SLMAP: variants seen among roughly 807,000 people sequenced by gnomAD.
SLMAP encodes the protein sarcolemmal membrane-associated protein.
In SLMAP, 44 loss-of-function variants were observed where a neutral mutation model predicts 128.8. The ratio of observed to expected loss-of-function variants is 0.34; its 90% CI spans 0.27 to 0.44. SLMAP has a LOEUF of 0.44. Ranked by LOEUF, SLMAP falls within the 20% of genes least tolerant of loss-of-function variation. SLMAP has a pLI of 1.00. For synonymous variants in SLMAP, 327 were observed against 348.8 expected, an observed-to-expected ratio of 0.94 and a Z score of 0.70; for missense variants, 787 against 985.3, an observed-to-expected ratio of 0.80 and a Z score of 2.69.
At chr3:57,872,504 A>G (rs1262609643) in intron 14 of SLMAP, among the ~76,000 whole-genome samples, 1 of 152,042 alleles carries the variant, frequency 6.6e-6, no homozygotes, top group Non-Finnish European at 1.5e-5. Context: ...CTATAATCCC[A>G]GCTTCTTGGG....
intron 2 of SLMAP, among the ~76,000 whole-genome samples, chr3:57,824,376 G>C (rs1436206668): frequency 2.0e-5 from 3 of 152,122 alleles, no homozygotes; most frequent in African/African-American, 7.2e-5. Context: ...TGGCCGAAAA[G>C]TATTTTATGG....
chr3:57,868,890 T>A (rs1279779084), intron 13 of SLMAP, among the ~76,000 whole-genome samples: 1 of 137,218 alleles, frequency 7.3e-6, no homozygotes, highest in African/African-American at 2.7e-5. Flanking sequence ...ATAATATATA[T>A]TATATATATT....
chr3:57,765,194 C>G (rs548676547), intron 2 of SLMAP, among the ~76,000 whole-genome samples: 8 of 152,256 alleles, frequency 5.3e-5, no homozygotes, highest in African/African-American at 1.9e-4. Context: ...ATCCACTGCA[C>G]TGCAGCCTTT....
At chr3:57,860,980 G>A (rs147236576) in intron 9 of SLMAP, 141 bp downstream of exon 9, 6 of 678,944 alleles carry the variant, frequency 8.8e-6, no homozygotes, top group South Asian at 2.3e-5. Context: ...GAACAGTTAC[G>A]CTGCTTTCAT....
chr3:57,901,358 A>T (rs2096375226), intron 17 of SLMAP: 1 of 152,300 alleles, frequency 6.6e-6, no homozygotes, highest in Non-Finnish European at 1.5e-5. Flanking sequence ...TGCCATCAGC[A>T]GTCAAAGAAA....
chr3:57,807,347 G>A (rs2090089864), intron 2 of SLMAP, among the ~76,000 whole-genome samples: 1 of 152,166 alleles, frequency 6.6e-6, no homozygotes, highest in South Asian at 2.1e-4. Flanking sequence ...TTGGAGTGGT[G>A]AGAGAAGCAT....
chr3:57,857,950 T>C (rs1050929768), intron 7 of SLMAP, 122 bp downstream of exon 7: 27 of 949,750 alleles, frequency 2.8e-5, no homozygotes, highest in Non-Finnish European at 3.6e-5. Flanking sequence ...AACAAGTTGT[T>C]GAAGATTTAG....
chr3:57,911,923 T>TAAA lies in SLMAP; in HGVS notation c.1700-434_1700-432dup, dbSNP rs57106769. Reference sequence around the variant, plus strand: ...GCAATTCTACACATAGGATTCACCCTAAAAAAAAAAAAAAAAAAAAAAAAA... The same window carrying TAAA: ...GCAATTCTACACATAGGATTCACCCTAAAAAAAAAAAAAAAAAAAAAAAAAAAA... On this transcript the variant is annotated intron_variant, in intron 19 of 24. Transcript: ENST00000671191. 3.7e-3 allele frequency among the ~76,000 whole-genome samples: 194 copies of TAAA among 52,390 alleles called. 11 individuals are homozygous for TAAA. Among genetic ancestry groups the TAAA allele is most frequent in the African/African-American group, 0.014 (177 of 13,108 alleles). The allele number at this position is 52,390 out of a possible 152,430, so 34.4% of individuals were successfully genotyped here. A position where few individuals can be genotyped will look rare whatever the true frequency, so the allele number is the denominator to read the frequency against.
intron 2 of SLMAP, among the ~76,000 whole-genome samples, chr3:57,781,771 T>G (rs940071173): frequency 3.4e-5 from 5 of 146,888 alleles, no homozygotes; most frequent in Admixed American, 7.0e-5. Flanking sequence ...TTCACTCTGT[T>G]GTCCAGGCTG....
intron 2 of SLMAP, among the ~76,000 whole-genome samples, chr3:57,816,218 A>G (rs549720662): frequency 1.3e-5 from 2 of 152,200 alleles, no homozygotes; most frequent in South Asian, 2.1e-4. Context: ...ATCTAGGTTC[A>G]TTGCAACTTC....
Position 57,827,668 on chromosome 3 carries a change from C to G in SLMAP, c.199-3715C>G, listed in dbSNP as rs570377453. On this transcript the variant is annotated intron_variant, in intron 2 of 24. Transcript: ENST00000671191. ...ACCTGCTCAACATCAAAGTGAATGT[C>G]TGGTGGCTAATGCAAATACTACAGC... Among the ~76,000 whole-genome samples, 5 of 152,338 alleles carry G rather than the reference C, an allele frequency of 3.3e-5. No individual in the cohort carries two copies. In the South Asian group the frequency reaches 1.0e-3, roughly 32 times the overall value.
chr3:57,923,664 T>C (rs1576488019), intron 23 of SLMAP, among the ~76,000 whole-genome samples: 1 of 152,336 alleles, frequency 6.6e-6, no homozygotes, highest in East Asian at 1.9e-4. Flanking sequence ...TTGTGGGCCC[T>C]GATAGATGTT....
chr3:57,799,575 AT>A (rs1347023490), intron 2 of SLMAP, among the ~76,000 whole-genome samples: 7 of 152,046 alleles, frequency 4.6e-5, no homozygotes, highest in Admixed American at 4.6e-4. Context: ...TCCTTTAAAC[AT>A]TTTGAGCTTT....
At chr3:57,775,560 G>C (rs940030524) in intron 2 of SLMAP, among the ~76,000 whole-genome samples, 4 of 148,298 alleles carry the variant, frequency 2.7e-5, no homozygotes, top group African/African-American at 7.5e-5. Flanking sequence ...GGTGGTGTAT[G>C]CCTGTAGTCC....
At chr3:57,872,576 G>GC (rs2095508204) in intron 14 of SLMAP, among the ~76,000 whole-genome samples, 2 of 152,082 alleles carry the variant, frequency 1.3e-5, no homozygotes, top group Admixed American at 1.3e-4. Flanking sequence ...CCGAGGTCGT[G>GC]CCACTGCACT....
intron 7 of SLMAP, 79 bp from the exon 8 acceptor site, chr3:57,858,009 G>A: frequency 2.9e-6 from 3 of 1,021,664 alleles, no homozygotes; most frequent in Non-Finnish European, 3.0e-6. Context: ...ATCTTTTGTT[G>A]TCAGTAGCAA....
At chr3:57,889,009 C>T (rs1351588338) in intron 14 of SLMAP, among the ~76,000 whole-genome samples, 1 of 152,102 alleles carries the variant, frequency 6.6e-6, no homozygotes, top group East Asian at 1.9e-4. Flanking sequence ...CTCAGCCTCC[C>T]GAGTAGCTGG....
At position 57,805,079 on chromosome 3, in the gene SLMAP, G is replaced by T. The variant is rs1386843220; in HGVS notation, c.199-26304G>T. Among the ~76,000 whole-genome samples the T allele has an allele frequency of 2.6e-5, 4 of 152,100 alleles. No individual in the cohort carries two copies. The East Asian group carries it at 7.7e-4, about 29-fold the overall frequency. On this transcript the variant is annotated intron_variant, in intron 2 of 24. Coordinates refer to ENST00000671191, the MANE Select transcript of SLMAP (RefSeq NM_001377540.1). ...ATGGTTTCTCTTTGTATACTGGTTGGAGGTATTAGCCCTTGACTGTTTCCC... is the reference window on the plus strand; with the variant it reads ...ATGGTTTCTCTTTGTATACTGGTTGTAGGTATTAGCCCTTGACTGTTTCCC...
At chr3:57,852,122 G>C (rs889443547) in intron 6 of SLMAP, among the ~76,000 whole-genome samples, 3 of 151,906 alleles carry the variant, frequency 2.0e-5, no homozygotes, top group Admixed American at 2.0e-4. Flanking sequence ...GTGTTAGCCA[G>C]GATGGTCTCC....
Sources: gnomAD v4.1 joint callset for allele counts (sites outside exome capture counted in the v4.1 genomes callset) on GRCh38, gnomAD v4.1.1 for gene constraint, MANE v1.5 for transcripts, NCBI Gene and HGNC (gene_info 2026-07-23, HGNC 2026-07-21) for gene names.